Variants in TAF3 observed in about 807,000 individuals in gnomAD.
TAF3 encodes the protein transcription initiation factor TFIID subunit 3.
A neutral mutation model predicts 80.6 loss-of-function variants in TAF3; 7 were observed. The observed-to-expected ratio is 0.09, with a 90% confidence interval of 0.05 to 0.16. The LOEUF is 0.16. Among genes scored for constraint, TAF3 ranks in the 10% least tolerant of loss-of-function variants. The probability of loss-of-function intolerance (pLI) is 1.00; values close to 1 mark genes in which losing one functional copy is unlikely to be tolerated. For synonymous variants in TAF3, 444 were observed against 446.1 expected, an observed-to-expected ratio of 1.00 and a Z score of 0.06; for missense variants, 921 against 1,140.2, an observed-to-expected ratio of 0.81 and a Z score of 2.77.
chr10:7,904,482 A>T (rs1837588780), intron 2 of TAF3, among the ~76,000 whole-genome samples: 1 of 48,600 alleles, frequency 2.1e-5, no homozygotes, highest in Non-Finnish European at 4.5e-5. Flanking sequence ...GTAGTCTATT[A>T]GTGCCTGATA....
rs568184814 is a variant in TAF3, at chr10:7,869,340, A to G, written c.409+44780A>G. 2.2e-4 allele frequency among the ~76,000 whole-genome samples: 33 copies of G among 152,268 alleles called. 1 individual carries two copies. In the South Asian group the frequency reaches 4.1e-3, roughly 19 times the overall value. ...CACACACATACACACACATAAATAC[A>G]TACGTACATAGATGTTGATTTCTTT... is the stretch of plus-strand genomic sequence containing the variant. On this transcript the variant is annotated intron_variant, in intron 2 of 6. Transcript: ENST00000344293.
intron 3 of TAF3, among the ~76,000 whole-genome samples, chr10:7,973,605 A>G (rs7092822): frequency 0.091 from 13,890 of 152,282 alleles, 675 homozygotes; most frequent in South Asian, 0.14. Flanking sequence ...TGAAACCCAC[A>G]TTATCTACCC....
intron 2 of TAF3, among the ~76,000 whole-genome samples, chr10:7,904,725 C>T (rs546556540): frequency 1.2e-4 from 18 of 152,250 alleles, no homozygotes; most frequent in Admixed American, 3.3e-4. Context: ...ACAGCGTTGG[C>T]TTTCATGATA....
intron 2 of TAF3, among the ~76,000 whole-genome samples, chr10:7,827,793 A>G (rs1836758266): frequency 6.6e-6 from 1 of 151,338 alleles, no homozygotes; most frequent in Non-Finnish European, 1.5e-5. Flanking sequence ...AAAAAAAAAA[A>G]AAACAAAAAC....
intron 2 of TAF3, among the ~76,000 whole-genome samples, chr10:7,832,168 T>C (rs1836807716): frequency 6.6e-6 from 1 of 152,182 alleles, no homozygotes; most frequent in Non-Finnish European, 1.5e-5. Context: ...CTTTGTACCC[T>C]TTGCCTATCA....
intron 2 of TAF3, among the ~76,000 whole-genome samples, chr10:7,912,330 G>A (rs1358640051): frequency 6.6e-6 from 1 of 152,110 alleles, no homozygotes. Context: ...AAAATCCTGG[G>A]CTCAAGCGAT....
intron 2 of TAF3, among the ~76,000 whole-genome samples, chr10:7,950,415 G>A (rs4749400): frequency 0.57 from 86,605 of 151,972 alleles, 25,694 homozygotes; most frequent in East Asian, 0.71. Context: ...AGTTCCTCAC[G>A]TGGCTAGTTC....
At chr10:7,909,644 C>A (rs1837638548) in intron 2 of TAF3, among the ~76,000 whole-genome samples, 1 of 152,134 alleles carries the variant, frequency 6.6e-6, no homozygotes. Flanking sequence ...AGCAATGAAT[C>A]CAGGGCAAAA....
intron 2 of TAF3, among the ~76,000 whole-genome samples, chr10:7,911,188 T>C (rs763122794): frequency 6.6e-6 from 1 of 152,188 alleles, no homozygotes; most frequent in Non-Finnish European, 1.5e-5. Flanking sequence ...TGATCAAAAC[T>C]CACTTCTTTA....
chr10:7,834,702 AAAG>A (rs1487695817), intron 2 of TAF3, among the ~76,000 whole-genome samples: 26 of 152,210 alleles, frequency 1.7e-4, no homozygotes, highest in African/African-American at 6.3e-4. Context: ...TCTCAGGAAT[AAAG>A]AAGATGATAA....
rs1314333592 is a variant in TAF3 at position 7,936,578 on chromosome 10, G to T, written c.410-27342G>T. 2.6e-5 allele frequency among the ~76,000 whole-genome samples: 4 copies of T among 151,794 alleles called. No individual in the cohort carries two copies. In the East Asian group the frequency reaches 5.8e-4, roughly 22 times the overall value. On this transcript the variant is annotated intron_variant, in intron 2 of 6. Coordinates refer to ENST00000344293, the MANE Select transcript of TAF3 (RefSeq NM_031923.4). ...TAAAATTGAACAGAAAGTACTGAGGGTTCCCATTCACCCACTGCCTGCTCC... is the reference window on the plus strand; with the variant it reads ...TAAAATTGAACAGAAAGTACTGAGGTTTCCCATTCACCCACTGCCTGCTCC...
chr10:7,976,083 A>G (rs11255468), intron 3 of TAF3, among the ~76,000 whole-genome samples: 46,618 of 152,068 alleles, frequency 0.31, 8,657 homozygotes, highest in Non-Finnish European at 0.41. Flanking sequence ...TATGATCTGC[A>G]AACCAACAAT....
chr10:7,968,234 G>T (rs1831591109), intron 3 of TAF3, among the ~76,000 whole-genome samples: 9 of 152,136 alleles, frequency 5.9e-5, no homozygotes, highest in Admixed American at 5.9e-4. Context: ...AATGTTTTCA[G>T]CCAAAAGAAT....
At chr10:7,854,882 A>G (rs1837063515) in intron 2 of TAF3, among the ~76,000 whole-genome samples, 1 of 152,210 alleles carries the variant, frequency 6.6e-6, no homozygotes, top group Non-Finnish European at 1.5e-5. Flanking sequence ...GATGAACAGA[A>G]TGAGACAGCA....
At chr10:7,904,215 A>G (rs1837585882) in intron 2 of TAF3, among the ~76,000 whole-genome samples, 1 of 152,154 alleles carries the variant, frequency 6.6e-6, no homozygotes, top group Admixed American at 6.5e-5. Context: ...GGTTATCTCA[A>G]ATAGAGACTG....
intron 2 of TAF3, among the ~76,000 whole-genome samples, chr10:7,943,798 A>G (rs1837998187): frequency 6.6e-6 from 1 of 152,232 alleles, no homozygotes; most frequent in South Asian, 2.1e-4. Flanking sequence ...AAAGCAAAAT[A>G]CTAATGAATT....
intron 2 of TAF3, among the ~76,000 whole-genome samples, chr10:7,914,769 G>T (rs1349479593): frequency 6.6e-6 from 1 of 152,020 alleles, no homozygotes; most frequent in Non-Finnish European, 1.5e-5. Flanking sequence ...ATTTTAAATA[G>T]TAGTTTCTTT....
chr10:7,853,718 T>C (rs1837051075), intron 2 of TAF3, among the ~76,000 whole-genome samples: 1 of 152,220 alleles, frequency 6.6e-6, no homozygotes, highest in Admixed American at 6.5e-5. Context: ...TTCCATATTA[T>C]GGGTGACTGC....
intron 2 of TAF3, among the ~76,000 whole-genome samples, chr10:7,863,462 T>A (rs562262542): frequency 1.9e-4 from 29 of 150,972 alleles, no homozygotes; most frequent in African/African-American, 7.1e-4. Flanking sequence ...AATACAAAAT[T>A]AGCTGGGTGT....
Sources: allele counts gnomAD v4.1 joint callset (sites outside exome capture counted in the v4.1 genomes callset), GRCh38; gene constraint gnomAD v4.1.1; transcripts MANE v1.5; gene names NCBI Gene and HGNC (gene_info 2026-07-23, HGNC 2026-07-21).